GALNT17: variants seen among roughly 807,000 people sequenced by gnomAD.
GALNT17 encodes the protein polypeptide N-acetylgalactosaminyltransferase 17.
GALNT17 carries 29 observed loss-of-function variants against 63.7 expected under a neutral mutation model. The ratio of observed to expected loss-of-function variants is 0.46; its 90% confidence interval spans 0.34 to 0.62. The LOEUF is 0.62. Ranked by LOEUF, GALNT17 falls within the 20% of genes least tolerant of loss-of-function variation. The pLI, the probability that GALNT17 is intolerant of heterozygous loss-of-function variation, is 0.01. For missense variants in GALNT17, 603 were observed against 799.6 expected, an observed-to-expected ratio of 0.75 and a Z score of 2.97; for synonymous variants, 305 against 318.3, an observed-to-expected ratio of 0.96 and a Z score of 0.45.
chr7:71,314,499 C>T (rs569359205), intron 1 of GALNT17, among the ~76,000 whole-genome samples: 1 of 152,182 alleles, frequency 6.6e-6, no homozygotes, highest in Admixed American at 6.5e-5. Flanking sequence ...CCACTCCAAG[C>T]GTGATGGTCA....
At chr7:71,521,241 T>C (rs923954620) in intron 5 of GALNT17, among the ~76,000 whole-genome samples, 1 of 151,138 alleles carries the variant, frequency 6.6e-6, no homozygotes, top group Non-Finnish European at 1.5e-5. Context: ...TTTTTTTTTT[T>C]TTCCCCAAAT....
intron 6 of GALNT17, among the ~76,000 whole-genome samples, chr7:71,575,071 G>A (rs1177155865): frequency 6.6e-6 from 1 of 152,130 alleles, no homozygotes; most frequent in Non-Finnish European, 1.5e-5. Flanking sequence ...CAGGGTTCCT[G>A]ATGACAGAGC....
intron 1 of GALNT17, among the ~76,000 whole-genome samples, chr7:71,167,234 G>T (rs962851474): frequency 2.2e-4 from 33 of 151,932 alleles, no homozygotes; most frequent in African/African-American, 7.7e-4. Flanking sequence ...ATTCCCACCA[G>T]CCATATAGGC....
intron 6 of GALNT17, among the ~76,000 whole-genome samples, chr7:71,593,149 CAATAATAAT>C (rs59397445): frequency 4.8e-5 from 7 of 146,936 alleles, no homozygotes; most frequent in Admixed American, 1.4e-4. Flanking sequence ...GACCTTGTTG[CAATAATAAT>C]AATAATAATA....
In GALNT17 at chr7:71,226,987, C is replaced by T. The variant is rs552698170; in HGVS notation, c.238+93947C>T. 5.3e-5 allele frequency among the ~76,000 whole-genome samples: 8 copies of T among 151,966 alleles called. No individual in the cohort carries two copies. In the East Asian group the frequency reaches 1.6e-3, roughly 30 times the overall value. On this transcript the variant is annotated intron_variant, in intron 1 of 10. Transcript: ENST00000333538. The stretch of plus-strand genomic sequence containing the variant: ...CTTCTTTGGAACAAAGGGAGCTGGG[C>T]AGGATCATCTCTGTCCCCTCCAGCT...
intron 7 of GALNT17, among the ~76,000 whole-genome samples, chr7:71,666,840 TA>T (rs1790993333): frequency 6.6e-6 from 1 of 152,240 alleles, no homozygotes; most frequent in Non-Finnish European, 1.5e-5. Flanking sequence ...ACTGGGCTTT[TA>T]AAAAATATTT....
chr7:71,699,425 G>A (rs1218233908), intron 9 of GALNT17, among the ~76,000 whole-genome samples: 10 of 148,404 alleles, frequency 6.7e-5, no homozygotes, highest in African/African-American at 7.4e-5. Flanking sequence ...GCAGTGAGCC[G>A]AGATTGCGCC....
At chr7:71,257,582 C>T (rs1053353883) in intron 1 of GALNT17, among the ~76,000 whole-genome samples, 1 of 152,116 alleles carries the variant, frequency 6.6e-6, no homozygotes, top group African/African-American at 2.4e-5. Flanking sequence ...CTATCCTTCT[C>T]CACTATTATT....
chr7:71,630,424 C>T (rs940680232), intron 6 of GALNT17, among the ~76,000 whole-genome samples: 1 of 152,194 alleles, frequency 6.6e-6, no homozygotes, highest in Admixed American at 6.5e-5. Context: ...CACTGATCCC[C>T]TCCTCCTTTC....
chr7:71,594,477 A>G (rs1420620412), intron 6 of GALNT17, among the ~76,000 whole-genome samples: 1 of 151,854 alleles, frequency 6.6e-6, no homozygotes, highest in African/African-American at 2.4e-5. Flanking sequence ...TTTAGTAGAG[A>G]TGGGGTTTTG....
At chr7:71,366,204 T>C (rs976597360) in intron 2 of GALNT17, among the ~76,000 whole-genome samples, 1 of 152,126 alleles carries the variant, frequency 6.6e-6, no homozygotes, top group African/African-American at 2.4e-5. Flanking sequence ...CACCTCCTGC[T>C]GTGTGACCTG....
rs551529110 is a variant in GALNT17 at position 71,322,159 on chromosome 7, GC to G, written c.239-13388del. Among the ~76,000 whole-genome samples the G allele has an allele frequency of 5.3e-5, 8 of 151,640 alleles. No individual in the cohort carries two copies. The East Asian group carries it at 1.6e-3, about 30-fold the overall frequency. On this transcript the variant is annotated intron_variant, in intron 1 of 10. Coordinates refer to ENST00000333538, the MANE Select transcript of GALNT17 (RefSeq NM_022479.3). Reference sequence around the variant, plus strand: ...TTGTAGAGACAGGTCTCATTATGTTGCCCAGGCTGGTCTCTAACTTCTAGCC... The same window carrying G: ...TTGTAGAGACAGGTCTCATTATGTTGCCAGGCTGGTCTCTAACTTCTAGCC...
intron 6 of GALNT17, among the ~76,000 whole-genome samples, chr7:71,649,744 T>A (rs993856518): frequency 3.3e-5 from 5 of 152,182 alleles, no homozygotes; most frequent in Admixed American, 6.5e-5. Context: ...TACGTGACCC[T>A]TGAATAGTTA....
chr7:71,506,448 G>T (rs1183690263), intron 5 of GALNT17, among the ~76,000 whole-genome samples: 2 of 151,966 alleles, frequency 1.3e-5, no homozygotes, highest in Non-Finnish European at 2.9e-5. Flanking sequence ...TGTATTTTTA[G>T]TAGAGACTGG....
chr7:71,582,688 C>G (rs559394095), intron 6 of GALNT17, among the ~76,000 whole-genome samples: 1 of 152,246 alleles, frequency 6.6e-6, no homozygotes, highest in Admixed American at 6.5e-5. Flanking sequence ...AGATTGGAGA[C>G]TATTATTCTA....
chr7:71,359,545 G>A (rs544905967), intron 2 of GALNT17, among the ~76,000 whole-genome samples: 4 of 152,108 alleles, frequency 2.6e-5, no homozygotes, highest in South Asian at 2.1e-4. Flanking sequence ...TCAATATGGC[G>A]TGTCAAATAT....
intron 5 of GALNT17, among the ~76,000 whole-genome samples, chr7:71,564,273 CTTTTCTTTTTTTTTTTTTTT>C (rs1289267675): frequency 2.6e-5 from 2 of 78,364 alleles, no homozygotes; most frequent in African/African-American, 4.8e-5. Context: ...TTTTTCTTTT[CTTTTCTTTTTTTTTTTTTTT>C]TTTTTTTTTG....
Position 71,712,006 on chromosome 7 carries a change from G to A in GALNT17, c.1669-12G>A. 1 of 1,611,554 alleles carries A rather than the reference G, an allele frequency of 6.2e-7. No individual in the cohort carries two copies. The highest frequency in any genetic ancestry group is 8.5e-7 in the Non-Finnish European group (1 of 1,179,044). On this transcript the variant is annotated splice_polypyrimidine_tract_variant and intron_variant, in intron 10 of 10. Transcript: ENST00000333538. ...TCTCTTCTCCTCTCTTCTCGATTTT[G>A]CCCCCTCCCAGAATGGAGCCATCAT...
intron 1 of GALNT17, among the ~76,000 whole-genome samples, chr7:71,329,496 A>T (rs1791764289): frequency 6.6e-6 from 1 of 152,086 alleles, no homozygotes; most frequent in Non-Finnish European, 1.5e-5. Flanking sequence ...CTGCTATTAA[A>T]AACTACCCGA....
Sources: allele counts gnomAD v4.1 joint callset (sites outside exome capture counted in the v4.1 genomes callset), GRCh38; gene constraint gnomAD v4.1.1; transcripts MANE v1.5; gene names NCBI Gene and HGNC (gene_info 2026-07-23, HGNC 2026-07-21).